FIBCD1: variants seen among roughly 807,000 people sequenced by gnomAD.
The protein encoded by FIBCD1 is fibrinogen C domain containing 1.
In FIBCD1, 47 loss-of-function variants were observed where a neutral mutation model predicts 45.1. The observed-to-expected ratio is 1.04, with a 90% confidence interval of 0.82 to 1.33. The LOEUF is 1.33. Among genes scored for constraint, FIBCD1 ranks in the 40% most tolerant of loss-of-function variants. The pLI is 0.00. For missense variants in FIBCD1, 653 were observed against 682.2 expected (o/e 0.96, Z 0.48); for synonymous variants, 313 against 308.1 (o/e 1.02, Z -0.17).
At chr9:130,912,435 G>A (rs907856234) in intron 4 of FIBCD1, among the ~76,000 whole-genome samples, 2 of 149,510 alleles carry the variant, frequency 1.3e-5, no homozygotes, top group Non-Finnish European at 3.0e-5. Context: ...GGCCGGGCAC[G>A]GTGACTCCCG....
At chr9:130,932,848 C>T (rs1276613906) in intron 1 of FIBCD1, among the ~76,000 whole-genome samples, 4 of 152,242 alleles carry the variant, frequency 2.6e-5, no homozygotes, top group African/African-American at 9.6e-5. Context: ...AGCTCTGTGT[C>T]AGCAGCCAAG....
chr9:130,935,798 T>G (rs1435910123), intron 1 of FIBCD1, among the ~76,000 whole-genome samples: 1 of 152,158 alleles, frequency 6.6e-6, no homozygotes, highest in Non-Finnish European at 1.5e-5. Flanking sequence ...TCCTCATCTG[T>G]CAAATGGGTT....
In FIBCD1 at chr9:130,905,770, G is replaced by A. The variant is rs565325243; in HGVS notation, c.947-357C>T. Among the ~76,000 whole-genome samples, 13 of 152,282 alleles carry A rather than the reference G, an allele frequency of 8.5e-5. No homozygotes were observed. In the East Asian group the frequency reaches 1.5e-3, roughly 18 times the overall value. On this transcript the variant is annotated intron_variant, in intron 5 of 6. Transcript: ENST00000372338. The stretch of plus-strand genomic sequence containing the variant: ...AGCCAGACAGACAGGATCTGTGTTC[G>A]CATTTTCCTATACCTGGCCTCTGGG...
chr9:130,904,857 G>A (rs1466592661), intron 6 of FIBCD1, among the ~76,000 whole-genome samples: 1 of 152,244 alleles, frequency 6.6e-6, no homozygotes, highest in Non-Finnish European at 1.5e-5. Flanking sequence ...GAGGGCCGAA[G>A]GGCATCATCA....
rs747219824 is a variant in FIBCD1, at chr9:130,905,367, C to A, written c.993G>T (p.Leu331=). 5 of 1,613,892 alleles carry A rather than the reference C, an allele frequency of 3.1e-6. No individual in the cohort carries two copies. The South Asian group carries it at 5.5e-5, about 18-fold the overall frequency. ...HALTTQAAYE[L]HVDLEDFENG... The stretch of plus-strand genomic sequence containing the variant: ...TCTCAAAGTCCTCCAGGTCCACGTG[C>A]AGCTCGTAGGCAGCCTGTGTGGTCA... The change falls in exon 6 of 7, where the codon CTG becomes CTT. Residue 331 remains leucine (L), a synonymous_variant. Transcript: ENST00000372338.
intron 5 of FIBCD1, among the ~76,000 whole-genome samples, chr9:130,909,592 G>T (rs1224105095): frequency 6.6e-6 from 1 of 152,076 alleles, no homozygotes; most frequent in African/African-American, 2.4e-5. Flanking sequence ...TATATCTCAA[G>T]AACAACCAGA....
intron 2 of FIBCD1, 45 bp downstream of exon 2, chr9:130,929,521 AC>A (rs1004131834): frequency 1.3e-6 from 2 of 1,484,886 alleles, no homozygotes; most frequent in Admixed American, 4.9e-5. Flanking sequence ...AGCAGCACCA[AC>A]CCCTCGCCTC....
At chr9:130,932,597 G>A (rs778588312) in intron 1 of FIBCD1, among the ~76,000 whole-genome samples, 1 of 152,064 alleles carries the variant, frequency 6.6e-6, no homozygotes, top group Non-Finnish European at 1.5e-5. Flanking sequence ...CTTCTTTCAG[G>A]GCTCAGCTAG....
intron 4 of FIBCD1, among the ~76,000 whole-genome samples, chr9:130,919,877 A>C (rs1461038139): frequency 6.6e-6 from 1 of 152,190 alleles, no homozygotes. Context: ...GACCCCAGCC[A>C]GTGACTATGC....
chr9:130,912,522 C>T lies in FIBCD1; in HGVS notation c.850-634G>A, dbSNP rs746896501. On this transcript the variant is annotated intron_variant, in intron 4 of 6. Transcript: ENST00000372338. ...AGGAGTTCGAGACCAGCCTGGTCAACGTGGGGAAACCCCGTCTCTACTGAA... is the reference window on the plus strand; with the variant it reads ...AGGAGTTCGAGACCAGCCTGGTCAATGTGGGGAAACCCCGTCTCTACTGAA... 6.7e-4 allele frequency among the ~76,000 whole-genome samples: 101 copies of T among 151,780 alleles called. 1 individual carries two copies. Among genetic ancestry groups the T allele is most frequent in the Admixed American group, 5.7e-3 (87 of 15,234 alleles).
At chr9:130,930,835 T>C in intron 1 of FIBCD1, 1 of 456,084 alleles carries the variant, frequency 2.2e-6, no homozygotes, top group Non-Finnish European at 4.4e-6. Flanking sequence ...CACCTCTCTA[T>C]ACACTGGTCA....
chr9:130,930,003 AGGGCCAGCAGCAC>A lies in FIBCD1; in HGVS notation c.103_115del (p.Val35TrpfsTer7). ...GACAGCTACAGCCAGCAGCACAGCC[AGGGCCAGCAGCAC>A]GGTGCACAGCACGTAGCCGCAGCTC... On this transcript the variant is annotated frameshift_variant, in exon 2 of 7. Transcript: ENST00000372338. LOFTEE classifies it high-confidence loss of function. 6.5e-7 allele frequency: 1 copy of A among 1,536,594 alleles called. No individual in the cohort carries two copies. Among genetic ancestry groups the A allele is most frequent in the Non-Finnish European group, 8.8e-7 (1 of 1,140,764 alleles).
At position 130,929,703 on chromosome 9, in the gene FIBCD1, G is replaced by T. The variant is rs772887389; in HGVS notation, c.416C>A (p.Thr139Lys). ...VGDQEQELLD[T>K]LADQLPRLLA... The stretch of plus-strand genomic sequence containing the variant: ...CAGCCGGGGCAGCTGGTCGGCCAGC[G>T]TGTCCAGCAGCTCCTGCTCCTGGTC... Residue 139 changes from threonine (T) to lysine (K), a missense_variant, in exon 2 of 7, where the codon ACG becomes AAG. Coordinates refer to ENST00000372338, the MANE Select transcript of FIBCD1 (RefSeq NM_032843.5). 1 of 1,602,402 alleles carries T rather than the reference G, an allele frequency of 6.2e-7. No homozygotes were observed. The highest frequency in any genetic ancestry group is 1.1e-5 in the South Asian group (1 of 89,374).
chr9:130,910,445 G>A (rs1832016095), intron 5 of FIBCD1, among the ~76,000 whole-genome samples: 1 of 152,146 alleles, frequency 6.6e-6, no homozygotes, highest in East Asian at 1.9e-4. Flanking sequence ...CCTCCCTGAC[G>A]AGCGCCACCC....
intron 1 of FIBCD1, among the ~76,000 whole-genome samples, chr9:130,930,570 T>G (rs552136531): frequency 3.9e-5 from 6 of 152,140 alleles, no homozygotes; most frequent in Non-Finnish European, 8.8e-5. Flanking sequence ...TCGCTGCCCC[T>G]GCCACCCACC....
Position 130,923,841 on chromosome 9 carries a change from C to T in FIBCD1, c.752G>A (p.Gly251Glu), listed in dbSNP as rs368578219. Residue 251 changes from glycine (G) to glutamate (E), a missense_variant, in exon 4 of 7, where the codon GGA becomes GAA. By Grantham distance (98) the Gly-to-Glu change is moderately conservative. Coordinates refer to ENST00000372338, the MANE Select transcript of FIBCD1 (RefSeq NM_032843.5). ...PRDCLDVLLS[G>E]QQDDGVYSVF... is the part of the protein sequence containing the mutation. ...AGAGTAGACGCCATCGTCCTGCTGT[C>T]CGCTTAGGAGGACGTCCAGACAGTC... The T allele has an allele frequency of 6.0e-5, 97 of 1,612,810 alleles. No homozygotes were observed. The highest frequency in any genetic ancestry group is 8.0e-5 in the Non-Finnish European group (94 of 1,180,022).
chr9:130,927,850 G>A (rs1000109547), intron 2 of FIBCD1, among the ~76,000 whole-genome samples: 2 of 152,132 alleles, frequency 1.3e-5, no homozygotes, highest in Admixed American at 6.5e-5. Context: ...TAGTCGAGAC[G>A]GGGTTTCACC....
In FIBCD1 at chr9:130,903,681, G is replaced by A; in HGVS notation, c.*383C>T. The A allele has an allele frequency of 2.7e-6, 1 of 372,844 alleles. No individual in the cohort carries two copies. The highest frequency in any genetic ancestry group is 5.2e-6 in the Non-Finnish European group (1 of 193,436). 23.1% of individuals were successfully genotyped at this position (372,844 alleles called of 1,614,324 possible). On this transcript the variant is annotated 3_prime_UTR_variant, in exon 7 of 7. Coordinates refer to ENST00000372338, the MANE Select transcript of FIBCD1 (RefSeq NM_032843.5). ...ACTCCAGGGGTGCTGTCTGCCCCCTGCTCTCTGTCCCCATAATGCCGGGTA... is the reference window on the plus strand; with the variant it reads ...ACTCCAGGGGTGCTGTCTGCCCCCTACTCTCTGTCCCCATAATGCCGGGTA...
At chr9:130,931,441 G>A (rs1411642983) in intron 1 of FIBCD1, among the ~76,000 whole-genome samples, 1 of 152,194 alleles carries the variant, frequency 6.6e-6, no homozygotes, top group African/African-American at 2.4e-5. Flanking sequence ...CTTGGGAGGT[G>A]GAGGTTACAG....
Sources: allele counts gnomAD v4.1 joint callset (sites outside exome capture counted in the v4.1 genomes callset), GRCh38; gene constraint gnomAD v4.1.1; transcripts MANE v1.5; gene names NCBI Gene and HGNC (gene_info 2026-07-23, HGNC 2026-07-21).